The following NEK10 variants were observed in gnomAD, a reference collection of about 807,000 sequenced individuals.
The protein encoded by NEK10 is serine/threonine-protein kinase Nek10.
A neutral mutation model predicts 159.8 loss-of-function variants in NEK10; 122 were observed. That is an observed-to-expected ratio of 0.76 (90% CI 0.66 to 0.89). The LOEUF (loss-of-function observed/expected upper bound fraction) is 0.89. Among genes scored for constraint, NEK10 ranks in the 40% least tolerant of loss-of-function variants. NEK10 has a pLI of 0.00. For synonymous variants in NEK10, 466 were observed against 457.1 expected (o/e 1.02, Z -0.25); for missense variants, 1,342 against 1,323.1 (o/e 1.01, Z -0.22).
intron 30 of NEK10, among the ~76,000 whole-genome samples, chr3:27,153,278 C>G (rs1425588208): frequency 6.6e-5 from 10 of 151,028 alleles, no homozygotes; most frequent in African/African-American, 2.4e-4. Context: ...CAAGATCGTG[C>G]CACTGCACTC....
At chr3:27,305,829 G>A (rs2044203940) in intron 11 of NEK10, among the ~76,000 whole-genome samples, 1 of 152,052 alleles carries the variant, frequency 6.6e-6, no homozygotes, top group East Asian at 1.9e-4. Flanking sequence ...ATATTATGAT[G>A]ATAAACGTTT....
intron 31 of NEK10, among the ~76,000 whole-genome samples, chr3:27,140,421 A>T (rs1485002282): frequency 3.9e-5 from 6 of 152,198 alleles, no homozygotes; most frequent in Non-Finnish European, 5.9e-5. Flanking sequence ...TACTAGAGTG[A>T]CTGTTTACTG....
intron 23 of NEK10, among the ~76,000 whole-genome samples, chr3:27,253,936 G>C (rs1955914189): frequency 6.6e-6 from 1 of 152,078 alleles, no homozygotes. Context: ...CCAGCTCTCT[G>C]CCTGGAATGC....
intron 23 of NEK10, among the ~76,000 whole-genome samples, chr3:27,223,683 T>C (rs933923366): frequency 2.0e-5 from 3 of 152,128 alleles, no homozygotes; most frequent in South Asian, 4.1e-4. Context: ...CTCTTAAGCA[T>C]TGTGGCTCCT....
At chr3:27,206,424 G>T (rs898822114) in intron 23 of NEK10, 2 of 164,016 alleles carry the variant, frequency 1.2e-5, no homozygotes, top group Non-Finnish European at 2.5e-5. Flanking sequence ...AAATAAACTC[G>T]ACTAGAATAA....
chr3:27,338,096 C>A (rs547356793), intron 5 of NEK10, among the ~76,000 whole-genome samples: 9 of 152,126 alleles, frequency 5.9e-5, no homozygotes, highest in Non-Finnish European at 1.3e-4. Context: ...CCTCTCCCAG[C>A]CCCCCAACAG....
At chr3:27,253,805 A>T (rs1955900536) in intron 23 of NEK10, among the ~76,000 whole-genome samples, 1 of 152,206 alleles carries the variant, frequency 6.6e-6, no homozygotes, top group South Asian at 2.1e-4. Context: ...AAGCTTAGAA[A>T]AATTAATGAA....
intron 26 of NEK10, among the ~76,000 whole-genome samples, chr3:27,176,714 T>A (rs2148893965): frequency 6.6e-6 from 1 of 152,330 alleles, no homozygotes; most frequent in East Asian, 1.9e-4. Flanking sequence ...CTTATGACCT[T>A]TTTTATTCTA....
At chr3:27,310,320 G>A (rs2044590073) in intron 9 of NEK10, 1 of 152,008 alleles carries the variant, frequency 6.6e-6, no homozygotes. Flanking sequence ...GAAATAGCTG[G>A]CTACTGAAAC....
intron 14 of NEK10, 25 bp from the exon 15 acceptor site, chr3:27,295,715 A>G: frequency 6.4e-7 from 1 of 1,550,562 alleles, no homozygotes; most frequent in Non-Finnish European, 8.7e-7. Context: ...GGGTCATACT[A>G]TGAGTGACAA....
chr3:27,139,795 G>A (rs1943595585), intron 31 of NEK10, among the ~76,000 whole-genome samples: 1 of 152,196 alleles, frequency 6.6e-6, no homozygotes. Context: ...CATTGGGGTA[G>A]ATTTACCATG....
At chr3:27,206,341 A>G (rs559471905) in intron 23 of NEK10, among the ~76,000 whole-genome samples, 2 of 152,322 alleles carry the variant, frequency 1.3e-5, no homozygotes, top group East Asian at 3.9e-4. Context: ...CAGAGAAGAT[A>G]TAAAATAAAA....
At chr3:27,257,722 A>C (rs1231062270) in intron 22 of NEK10, among the ~76,000 whole-genome samples, 1 of 151,678 alleles carries the variant, frequency 6.6e-6, no homozygotes, top group Non-Finnish European at 1.5e-5. Flanking sequence ...TACTGACTCT[A>C]TTATGAGCAA....
chr3:27,147,317 G>C (rs1249842934), intron 30 of NEK10, among the ~76,000 whole-genome samples: 2 of 152,164 alleles, frequency 1.3e-5, no homozygotes, highest in East Asian at 1.9e-4. Flanking sequence ...AAGTGACAGA[G>C]GATATGATGC....
chr3:27,132,083 A>G (rs1227666174), intron 31 of NEK10, 93 bp from the exon 32 acceptor site: 6 of 642,296 alleles, frequency 9.3e-6, no homozygotes, highest in African/African-American at 1.8e-5. Context: ...ATGTAACAAT[A>G]TTCACTCAAT....
chr3:27,258,561 T>C (rs1956471140), intron 22 of NEK10, among the ~76,000 whole-genome samples: 1 of 152,202 alleles, frequency 6.6e-6, no homozygotes, highest in Admixed American at 6.5e-5. Context: ...TCATTTTTTA[T>C]GGCTGCATAG....
chr3:27,273,359 TAG>T (rs1272860103), intron 22 of NEK10, among the ~76,000 whole-genome samples: 3 of 152,168 alleles, frequency 2.0e-5, no homozygotes, highest in Admixed American at 2.0e-4. Flanking sequence ...GAGAGAATAG[TAG>T]AGAGAGACTT....
At chr3:27,334,318 G>A (rs945095197) in intron 5 of NEK10, among the ~76,000 whole-genome samples, 2 of 152,148 alleles carry the variant, frequency 1.3e-5, no homozygotes, top group Non-Finnish European at 2.9e-5. Context: ...TCCTACAACT[G>A]CCACTACCAT....
At chr3:27,117,618 A>G (rs1418153566) in intron 33 of NEK10, among the ~76,000 whole-genome samples, 3 of 152,152 alleles carry the variant, frequency 2.0e-5, no homozygotes, top group African/African-American at 7.2e-5. Flanking sequence ...TGGCCGCATA[A>G]ATGTCTTCAT....
Sources: gnomAD v4.1 joint callset for allele counts (sites outside exome capture counted in the v4.1 genomes callset) on GRCh38, gnomAD v4.1.1 for gene constraint, MANE v1.5 for transcripts, NCBI Gene and HGNC (gene_info 2026-07-23, HGNC 2026-07-21) for gene names.